The following IPO13 variants were observed in gnomAD, a reference collection of about 807,000 sequenced individuals.
IPO13 encodes the protein importin-13.
A neutral mutation model predicts 115.5 loss-of-function variants in IPO13; 28 were observed. The observed-to-expected ratio is 0.24, with a 90% confidence interval of 0.18 to 0.33. The LOEUF (loss-of-function observed/expected upper bound fraction) is 0.33, where lower values mean the gene tolerates loss of function less well. IPO13 is among the 10% of genes least tolerant of loss of function. The pLI, the probability that IPO13 is intolerant of heterozygous loss-of-function variation, is 1.00. For missense variants in IPO13, 785 were observed against 1,204.6 expected (o/e 0.65, Z 5.16); for synonymous variants, 414 against 478.9 (o/e 0.86, Z 1.77).
intron 2 of IPO13, among the ~76,000 whole-genome samples, chr1:43,953,951 A>G (rs1468975039): frequency 1.3e-5 from 2 of 152,206 alleles, no homozygotes; most frequent in African/African-American, 4.8e-5. Flanking sequence ...AAGTTGTTGT[A>G]TGACCTTGAG....
At chr1:43,960,181 C>A in intron 11 of IPO13, 68 bp from the exon 12 acceptor site, 2 of 1,492,400 alleles carry the variant, frequency 1.3e-6, no homozygotes, top group Non-Finnish European at 1.9e-6. Flanking sequence ...CTCCCTGCCA[C>A]CAAGTCCTCC....
rs2085250967 is a variant in IPO13 at position 43,956,654 on chromosome 1, A to G, written c.1057A>G (p.Asn353Asp). The change falls in exon 4 of 20, where the codon AAT becomes GAT. Residue 353 changes from asparagine to aspartate, a missense_variant. By Grantham distance (23) the Asn-to-Asp change is conservative. This residue lies in a region of IPO13 where 325 missense variants were observed against 449.8 expected (regional missense o/e 0.72). Coordinates refer to ENST00000372343, the MANE Select transcript of IPO13 (RefSeq NM_014652.4). The surrounding 1 kb of genome is among the most constrained non-coding windows in gnomAD (Gnocchi z 4.7). ...CTGIPGHYPV[N>D]ETTSSLTLTF... The stretch of plus-strand genomic sequence containing the variant: ...AGGCATCCCTGGCCACTATCCTGTC[A>G]ATGAGACCACCAGCTCCCTAACCCT... The G allele has an allele frequency of 6.2e-7, 1 of 1,614,178 alleles. No homozygotes were observed. The highest frequency in any genetic ancestry group is 8.5e-7 in the Non-Finnish European group (1 of 1,180,020).
At chr1:43,961,113 A>G (rs532464614) in intron 13 of IPO13, 53 bp from the exon 14 acceptor site, 44 of 1,607,062 alleles carry the variant, frequency 2.7e-5, no homozygotes, top group Admixed American at 6.7e-5. Flanking sequence ...GGATATTGCC[A>G]TGTCCTGGTG....
At chr1:43,963,791 G>A (rs1340002658) in intron 14 of IPO13, among the ~76,000 whole-genome samples, 5 of 152,150 alleles carry the variant, frequency 3.3e-5, no homozygotes, top group Non-Finnish European at 1.5e-5. Context: ...GGCCTTTCTA[G>A]GGCCCTCAGA....
At position 43,956,718 on chromosome 1, in the gene IPO13, T is replaced by C. The variant is rs1170609066; in HGVS notation, c.1104+17T>C. 1 of 1,614,220 alleles carries C rather than the reference T, an allele frequency of 6.2e-7. No individual in the cohort carries two copies. Among genetic ancestry groups the C allele is most frequent in the Admixed American group, 1.7e-5 (1 of 60,022 alleles). On this transcript the variant is annotated intron_variant, in intron 4 of 19. Coordinates refer to ENST00000372343, the MANE Select transcript of IPO13 (RefSeq NM_014652.4). This position sits in a 1 kb window ranked among gnomAD's most constrained non-coding sequence, Gnocchi z 4.7. ...ACACTGCAGGTGTGTCTGTGTGACCTCCAGTAGGACTGGGCTGTGGTGGAA... is the reference window on the plus strand; with the variant it reads ...ACACTGCAGGTGTGTCTGTGTGACCCCCAGTAGGACTGGGCTGTGGTGGAA...
At position 43,958,472 on chromosome 1, in the gene IPO13, C is replaced by T; in HGVS notation, c.1761C>T (p.Cys587=). 6.2e-7 allele frequency: 1 copy of T among 1,614,162 alleles called. No homozygotes were observed. Among genetic ancestry groups the T allele is most frequent in the Non-Finnish European group, 8.5e-7 (1 of 1,180,018 alleles). ...GTTCTGCCCCACAGACAAGCCAGTGCATGTGGCTGATGCAGGCGCTGGGCT... is the reference window on the plus strand; with the variant it reads ...GTTCTGCCCCACAGACAAGCCAGTGTATGTGGCTGATGCAGGCGCTGGGCT... ...LMKQIHKTSQ[C]MWLMQALGFL... The change falls in exon 10 of 20, where the codon TGC becomes TGT. Residue 587 remains cysteine (C), a synonymous_variant. Coordinates refer to ENST00000372343, the MANE Select transcript of IPO13 (RefSeq NM_014652.4). The surrounding 1 kb of genome is among the most constrained non-coding windows in gnomAD (Gnocchi z 6.3).
intron 14 of IPO13, 99 bp from the exon 15 acceptor site, chr1:43,964,170 A>C: frequency 1.3e-6 from 1 of 780,478 alleles, no homozygotes; most frequent in South Asian, 1.5e-5. Flanking sequence ...ATGTGCCCCC[A>C]CGCTGTCTCC....
chr1:43,955,024 C>T (rs1019449963), intron 2 of IPO13, among the ~76,000 whole-genome samples: 4 of 152,220 alleles, frequency 2.6e-5, no homozygotes, highest in African/African-American at 9.7e-5. Flanking sequence ...GTAAATAGCT[C>T]CACCGTCTAC....
Position 43,957,500 on chromosome 1 carries a change from G to A in IPO13, c.1491G>A (p.Arg497=), listed in dbSNP as rs1472702646. 6.2e-7 allele frequency: 1 copy of A among 1,614,078 alleles called. No homozygotes were observed. The highest frequency in any genetic ancestry group is 2.2e-5 in the East Asian group (1 of 44,894). The change falls in exon 7 of 20, where the codon CGG becomes CGA. Residue 497 remains arginine, a synonymous_variant. Coordinates refer to ENST00000372343, the MANE Select transcript of IPO13 (RefSeq NM_014652.4). ...CTGGGCTCATTGGCCTCATCCCACG[G>A]ATCAGCATCAGCAACGTGCAGCTGG... The part of the protein sequence containing the change: ...VVPGLIGLIP[R]ISISNVQLAD...
rs757809156 is a variant in IPO13 at position 43,949,738 on chromosome 1, C to T, written c.406C>T (p.Pro136Ser). ...ALASLALSMM[P>S]DAWPCAVADM... Reference sequence around the variant, plus strand: ...GGCCTCACTGGCTCTCAGCATGATGCCTGACGCTTGGCCATGTGCTGTGGC... The same window carrying T: ...GGCCTCACTGGCTCTCAGCATGATGTCTGACGCTTGGCCATGTGCTGTGGC... Residue 136 changes from proline to serine, a missense_variant, in exon 2 of 20, where the codon CCT (proline) becomes TCT (serine). By Grantham distance (74) the Pro-to-Ser change is moderately conservative. Transcript: ENST00000372343. The T allele has an allele frequency of 1.2e-5, 20 of 1,614,040 alleles. No homozygotes were observed. The highest frequency in any genetic ancestry group is 1.5e-5 in the Non-Finnish European group (18 of 1,179,992).
Position 43,958,271 on chromosome 1 carries a change from G to A in IPO13, c.1749+3G>A, listed in dbSNP as rs1275853075. The A allele has an allele frequency of 1.2e-6, 2 of 1,614,068 alleles. No homozygotes were observed. Among genetic ancestry groups the A allele is most frequent in the Admixed American group, 1.7e-5 (1 of 60,012 alleles). On this transcript the variant is annotated splice_donor_region_variant and intron_variant, in intron 9 of 19. Transcript: ENST00000372343. The surrounding 1 kb of genome is among the most constrained non-coding windows in gnomAD (Gnocchi z 6.3). ...TGCTGATGAAACAGATCCACAAGGT[G>A]CGGCTCAAAAGTTTCTAGGGGTCTC...
At chr1:43,962,457 G>A (rs1397416412) in intron 14 of IPO13, among the ~76,000 whole-genome samples, 1 of 152,074 alleles carries the variant, frequency 6.6e-6, no homozygotes, top group Non-Finnish European at 1.5e-5. Flanking sequence ...TTGTCATCCC[G>A]GGCTTAAAAC....
Position 43,966,585 on chromosome 1 carries a change from G to A in IPO13, c.2408G>A (p.Arg803Gln), listed in dbSNP as rs1427902744. ...FMQLLAQALK[R>Q]KPDLFLCERL... ...CTCCACCTCCTGCAGGCTCTGAAGC[G>A]GAAGCCAGATTTGTTCCTGTGTGAA... Residue 803 changes from arginine (R) to glutamine (Q), a missense_variant, in exon 16 of 20, where the codon CGG (arginine) becomes CAG (glutamine). Arg to Gln is a conservative substitution (Grantham distance 43). Around this residue, in one of 3 missense-constraint regions of IPO13, gnomAD observed 285 missense variants for 394.8 expected, o/e 0.72. Coordinates refer to ENST00000372343, the MANE Select transcript of IPO13 (RefSeq NM_014652.4). The surrounding 1 kb of genome is among the most constrained non-coding windows in gnomAD (Gnocchi z 4.1). 4.0e-5 allele frequency: 64 copies of A among 1,614,070 alleles called. No individual in the cohort carries two copies. Among genetic ancestry groups the A allele is most frequent in the East Asian group, 6.7e-5 (3 of 44,866 alleles).
chr1:43,967,638 C>T lies in IPO13; in HGVS notation c.2848C>T (p.Leu950=). Residue 950 remains leucine (L), a synonymous_variant, in exon 20 of 20, where the codon CTG becomes TTG. Coordinates refer to ENST00000372343, the MANE Select transcript of IPO13 (RefSeq NM_014652.4). The surrounding 1 kb of genome is among the most constrained non-coding windows in gnomAD (Gnocchi z 6.1). ...GGAGATGGTGAAGGAGTTCACACTG[C>T]TGTGCCGGGGTCTCCATGGCACAGA... ...VKEMVKEFTL[L]CRGLHGTDYT... 3.1e-6 allele frequency: 5 copies of T among 1,614,236 alleles called. No individual in the cohort carries two copies. The highest frequency in any genetic ancestry group is 4.2e-6 in the Non-Finnish European group (5 of 1,180,030).
intron 12 of IPO13, among the ~76,000 whole-genome samples, 183 bp from the exon 13 acceptor site, chr1:43,960,693 G>A (rs2085283349): frequency 6.6e-6 from 1 of 152,214 alleles, no homozygotes; most frequent in Admixed American, 6.5e-5. Context: ...GTGCCCCTCA[G>A]TGAAGGGCCT....
rs3791120 is a variant in IPO13 at position 43,966,043 on chromosome 1, T to C, written c.2398-532T>C. On this transcript the variant is annotated intron_variant, in intron 15 of 19. Coordinates refer to ENST00000372343, the MANE Select transcript of IPO13 (RefSeq NM_014652.4). This position sits in a 1 kb window ranked among gnomAD's most constrained non-coding sequence, Gnocchi z 4.1. ...GGGTACCCTGGGTGAAAGATGGGGC[T>C]GAGGCTCCAAGGCTCCTGCTGTACT... The C allele has an allele frequency of 0.64, 115,173 of 180,286 alleles. 40,433 individuals are homozygous for C. Among genetic ancestry groups the C allele is most frequent in the Non-Finnish European group, 0.79 (65,634 of 83,404 alleles). The allele number at this position is 180,286 out of a possible 1,614,324, so 11.2% of individuals were successfully genotyped here.
chr1:43,967,620 G>T lies in IPO13; in HGVS notation c.2830G>T (p.Val944Leu), dbSNP rs1279435659. 1 of 1,614,092 alleles carries T rather than the reference G, an allele frequency of 6.2e-7. No individual in the cohort carries two copies. The change falls in exon 20 of 20, where the codon GTG (valine) becomes TTG (leucine). Residue 944 changes from valine (V) to leucine (L), a missense_variant. Coordinates refer to ENST00000372343, the MANE Select transcript of IPO13 (RefSeq NM_014652.4). This position sits in a 1 kb window ranked among gnomAD's most constrained non-coding sequence, Gnocchi z 6.1. ...RVNKRRVKEMVKEFTLLCRGL... is the reference protein window; with the variant it reads ...RVNKRRVKEMLKEFTLLCRGL... ...GAACAAGAGGCGGGTGAAGGAGATGGTGAAGGAGTTCACACTGCTGTGCCG... is the reference window on the plus strand; with the variant it reads ...GAACAAGAGGCGGGTGAAGGAGATGTTGAAGGAGTTCACACTGCTGTGCCG...
intron 2 of IPO13, among the ~76,000 whole-genome samples, chr1:43,953,718 T>C (rs757605463): frequency 1.6e-4 from 25 of 152,088 alleles, no homozygotes; most frequent in African/African-American, 4.3e-4. Flanking sequence ...TGAAATGTAT[T>C]TTTTTTTCCT....
chr1:43,961,095 C>T (rs978329189), intron 13 of IPO13, 71 bp from the exon 14 acceptor site: 4 of 1,607,148 alleles, frequency 2.5e-6, no homozygotes, highest in Non-Finnish European at 3.4e-6. Flanking sequence ...TCCCCACTTG[C>T]ATTCCAGGGA....
Sources: allele counts gnomAD v4.1 joint callset (sites outside exome capture counted in the v4.1 genomes callset), GRCh38; gene constraint gnomAD v4.1.1; regional missense constraint gnomAD v4.1.1; non-coding constraint Gnocchi (gnomAD v3.1); transcripts MANE v1.5; gene names NCBI Gene and HGNC (gene_info 2026-07-23, HGNC 2026-07-21).